SLC4A4: variants seen among roughly 807,000 people sequenced by gnomAD.
SLC4A4 encodes the protein electrogenic sodium bicarbonate cotransporter 1.
A neutral mutation model predicts 111.5 loss-of-function variants in SLC4A4; 27 were observed. The ratio of observed to expected loss-of-function variants is 0.24; its 90% confidence interval spans 0.18 to 0.33. The LOEUF (loss-of-function observed/expected upper bound fraction) is 0.33, where lower values mean the gene tolerates loss of function less well. SLC4A4 is among the 10% of genes least tolerant of loss of function. The pLI is 1.00. For missense variants in SLC4A4, 909 were observed against 1,315.5 expected (o/e 0.69, Z 4.78); for synonymous variants, 443 against 463.4 (o/e 0.96, Z 0.57).
Position 71,497,610 on chromosome 4 carries a change from T to C in SLC4A4, c.2084T>C (p.Met695Thr), listed in dbSNP as rs1730532256. The change falls in exon 16 of 26, where the codon ATG becomes ACG. Residue 695 changes from methionine (M) to threonine (T), a missense_variant. Transcript: ENST00000264485. ...NCNFVPDITLMSFILFLGTYT... is the reference protein window; with the variant it reads ...NCNFVPDITLTSFILFLGTYT... ...AATTTTGTTCCTGATATCACACTCATGTCTTTTATCCTCTTCTTGGGAACC... is the reference window on the plus strand; with the variant it reads ...AATTTTGTTCCTGATATCACACTCACGTCTTTTATCCTCTTCTTGGGAACC... 6.2e-7 allele frequency: 1 copy of C among 1,613,664 alleles called. No individual in the cohort carries two copies. The highest frequency in any genetic ancestry group is 8.5e-7 in the Non-Finnish European group (1 of 1,179,798).
intron 1 of SLC4A4, among the ~76,000 whole-genome samples, chr4:71,198,449 T>A (rs1746105595): frequency 6.6e-6 from 1 of 152,200 alleles, no homozygotes; most frequent in Non-Finnish European, 1.5e-5. Flanking sequence ...GAGGGTTTGG[T>A]CTTGCACCTC....
At chr4:71,501,536 C>A (rs1028700067) in intron 16 of SLC4A4, among the ~76,000 whole-genome samples, 6 of 147,680 alleles carry the variant, frequency 4.1e-5, no homozygotes, top group Non-Finnish European at 9.0e-5. Context: ...GGTGTAATGT[C>A]TCTTTTTAAT....
chr4:71,465,623 T>C (rs993428680), intron 12 of SLC4A4, among the ~76,000 whole-genome samples: 3 of 151,846 alleles, frequency 2.0e-5, no homozygotes, highest in Non-Finnish European at 4.4e-5. Context: ...TAGTTTGTCA[T>C]CCTTGAAAGC....
intron 15 of SLC4A4, among the ~76,000 whole-genome samples, chr4:71,496,417 T>A (rs114023041): frequency 9.7e-4 from 147 of 152,184 alleles, no homozygotes; most frequent in Non-Finnish European, 1.3e-3. Flanking sequence ...CAGCTGAGTT[T>A]TGCTTCAGCC....
At chr4:71,432,816 G>A (rs572872007) in intron 7 of SLC4A4, among the ~76,000 whole-genome samples, 1 of 152,172 alleles carries the variant, frequency 6.6e-6, no homozygotes, top group African/African-American at 2.4e-5. Context: ...TAAGAACTCT[G>A]AAATGGAAGT....
intron 16 of SLC4A4, among the ~76,000 whole-genome samples, chr4:71,516,698 A>T (rs1560579559): frequency 6.6e-6 from 1 of 152,170 alleles, no homozygotes; most frequent in Non-Finnish European, 1.5e-5. Context: ...TTTCCCTGCA[A>T]TATGGAACCC....
intron 2 of SLC4A4, among the ~76,000 whole-genome samples, chr4:71,171,199 A>G (rs1294766963): frequency 1.3e-5 from 2 of 152,048 alleles, no homozygotes; most frequent in Non-Finnish European, 2.9e-5. Flanking sequence ...AGGTTCATCA[A>G]AACAGTGCTT....
chr4:71,532,027 C>A, intron 16 of SLC4A4, 35 bp from the exon 17 acceptor site: 1 of 1,237,498 alleles, frequency 8.1e-7, no homozygotes, highest in Non-Finnish European at 1.2e-6. Context: ...GTATCTGGTG[C>A]TAAATGGTTC....
chr4:71,324,791 C>T (rs57348036), intron 3 of SLC4A4, among the ~76,000 whole-genome samples: 11,469 of 151,994 alleles, frequency 0.075, 790 homozygotes, highest in Admixed American at 0.22. Context: ...TAAAAAGCTA[C>T]GGTACAGATA....
chr4:71,280,129 G>A (rs1723395444), intron 3 of SLC4A4, among the ~76,000 whole-genome samples: 1 of 152,186 alleles, frequency 6.6e-6, no homozygotes, highest in East Asian at 1.9e-4. Context: ...ATTCTAACAG[G>A]TGTGAGGTAA....
At chr4:71,431,852 G>T (rs1171006253) in intron 7 of SLC4A4, among the ~76,000 whole-genome samples, 1 of 151,404 alleles carries the variant, frequency 6.6e-6, no homozygotes, top group Middle Eastern at 3.2e-3. Flanking sequence ...CAGTCAGTAG[G>T]TTCCAGATTG....
intron 7 of SLC4A4, chr4:71,437,545 A>G (rs930575116): frequency 1.2e-5 from 6 of 494,932 alleles, no homozygotes; most frequent in African/African-American, 2.0e-5. Context: ...TTTGCTGAAA[A>G]CAATGCTTGG....
At chr4:71,144,630 G>T (rs4463039) in intron 2 of SLC4A4, among the ~76,000 whole-genome samples, 129,292 of 150,310 alleles carry the variant, frequency 0.86, 55,724 homozygotes, top group Admixed American at 0.91. Flanking sequence ...CATTGAGCAG[G>T]GGTTTGTAGT....
rs375271495 is a variant in SLC4A4 at position 71,103,391 on chromosome 4, C to G, written c.-2+10599C>G. ...ACAGAAAGTCAACAAGGATACCCAGCAATTGAACTCAGCTCTGCACCAAGC... is the reference window on the plus strand; with the variant it reads ...ACAGAAAGTCAACAAGGATACCCAGGAATTGAACTCAGCTCTGCACCAAGC... On this transcript the variant is annotated intron_variant, in intron 2 of 26. Coordinates refer to the SLC4A4 transcript ENST00000649996. Among the ~76,000 whole-genome samples the G allele has an allele frequency of 2.1e-4, 32 of 152,068 alleles. No homozygotes were observed. The East Asian group carries it at 5.0e-3, about 24-fold the overall frequency.
chr4:71,459,455 T>C (rs1169976451), intron 12 of SLC4A4, among the ~76,000 whole-genome samples: 1 of 152,062 alleles, frequency 6.6e-6, no homozygotes, highest in East Asian at 1.9e-4. Flanking sequence ...ACAGATAGAT[T>C]GACATAAAGG....
At chr4:71,499,652 G>A (rs575466387) in intron 16 of SLC4A4, among the ~76,000 whole-genome samples, 10 of 152,206 alleles carry the variant, frequency 6.6e-5, no homozygotes, top group Non-Finnish European at 8.8e-5. Context: ...TAGGTTTCAC[G>A]TGTAAGTGAG....
In SLC4A4 at chr4:71,562,002, A is replaced by C. The variant is rs1029453059; in HGVS notation, c.3099+1748A>C. Among the ~76,000 whole-genome samples the C allele has an allele frequency of 2.6e-5, 4 of 151,952 alleles. No individual in the cohort carries two copies. In the South Asian group the frequency reaches 8.3e-4, roughly 32 times the overall value. On this transcript the variant is annotated intron_variant, in intron 23 of 25. Coordinates refer to ENST00000264485, the MANE Select transcript of SLC4A4 (RefSeq NM_001098484.3). Reference sequence around the variant, plus strand: ...AAATATCAGCTTTGGAGAATGTTTTAAATGTACTGCTCTCTAGTGACAAAA... The same window carrying C: ...AAATATCAGCTTTGGAGAATGTTTTCAATGTACTGCTCTCTAGTGACAAAA...
At chr4:71,208,641 C>T (rs1717941074) in intron 1 of SLC4A4, among the ~76,000 whole-genome samples, 1 of 151,802 alleles carries the variant, frequency 6.6e-6, no homozygotes, top group Non-Finnish European at 1.5e-5. Context: ...CTCATAATCT[C>T]ATTTAATGAT....
chr4:71,266,216 G>A (rs1397206237), intron 3 of SLC4A4, among the ~76,000 whole-genome samples: 1 of 152,170 alleles, frequency 6.6e-6, no homozygotes, highest in South Asian at 2.1e-4. Context: ...ATTTTTGTAA[G>A]CAATGAACCA....
Sources: gnomAD v4.1 joint callset for allele counts (sites outside exome capture counted in the v4.1 genomes callset) on GRCh38, gnomAD v4.1.1 for gene constraint, MANE v1.5 for transcripts, NCBI Gene and HGNC (gene_info 2026-07-23, HGNC 2026-07-21) for gene names.